The following LGR6 variants were observed in gnomAD, a reference collection of about 807,000 sequenced individuals.
LGR6 encodes leucine rich repeat containing G protein-coupled receptor 6, also known as leucine-rich repeat-containing G protein-coupled receptor 6.
A neutral mutation model predicts 69.4 loss-of-function variants in LGR6; 45 were observed. The observed-to-expected ratio is 0.65, with a 90% CI of 0.51 to 0.83. LGR6 has a LOEUF of 0.83. LGR6 is among the 40% of genes least tolerant of loss of function. The pLI is 0.00. For missense variants in LGR6, 1,108 were observed against 1,246.7 expected (o/e 0.89, Z 1.68); for synonymous variants, 538 against 555.0 (o/e 0.97, Z 0.43).
chr1:202,248,037 G>C (rs146977218), intron 4 of LGR6, among the ~76,000 whole-genome samples: 2 of 152,324 alleles, frequency 1.3e-5, no homozygotes, highest in African/African-American at 2.4e-5. Context: ...ATCTGTTTAT[G>C]AGCTGTTGGA....
Position 202,310,207 on chromosome 1 carries a change from G to T in LGR6, c.1417G>T (p.Val473Leu). The change falls in exon 16 of 18, where the codon GTG (valine) becomes TTG (leucine). Residue 473 changes from valine (V) to leucine (L), a missense_variant. Transcript: ENST00000367278. ...CCTCTCCCCCACCAGGATCCTGGAG[G>T]TGCCTTATGCCTACCAGTGCTGTCC... ...DSFPKLRILE[V>L]PYAYQCCPYG... The T allele has an allele frequency of 6.2e-7, 1 of 1,613,918 alleles. No homozygotes were observed.
chr1:202,276,501 T>C lies in LGR6; in HGVS notation c.624T>C (p.Asn208=). Reference sequence around the variant, plus strand: ...ACATCCCCGACTACGCGTTCCAGAATCTCACCAGCCTTGTGGTGCTGTGAG... The same window carrying C: ...ACATCCCCGACTACGCGTTCCAGAACCTCACCAGCCTTGTGGTGCTGTGAG... The part of the protein sequence containing the change: ...ISHIPDYAFQ[N]LTSLVVLHLH... Residue 208 remains asparagine (N), a synonymous_variant, in exon 5 of 18, where the codon AAT becomes AAC. Transcript: ENST00000367278. 1 of 1,613,934 alleles carries C rather than the reference T, an allele frequency of 6.2e-7. No individual in the cohort carries two copies. The highest frequency in any genetic ancestry group is 8.5e-7 in the Non-Finnish European group (1 of 1,179,902).
intron 1 of LGR6, among the ~76,000 whole-genome samples, chr1:202,198,249 T>A (rs1347201072): frequency 6.6e-6 from 1 of 152,098 alleles, no homozygotes; most frequent in East Asian, 1.9e-4. Context: ...GTTGTGGCAT[T>A]TGCCACAACA....
intron 4 of LGR6, among the ~76,000 whole-genome samples, chr1:202,257,395 A>G (rs572215279): frequency 6.6e-6 from 1 of 152,312 alleles, no homozygotes; most frequent in South Asian, 2.1e-4. Flanking sequence ...TCAGAAAGAT[A>G]TATGCCTATG....
chr1:202,235,110 C>T (rs1010626839), intron 3 of LGR6, among the ~76,000 whole-genome samples: 1 of 152,192 alleles, frequency 6.6e-6, no homozygotes, highest in East Asian at 1.9e-4. Context: ...TTCTAAGTCC[C>T]CTCTGATGCC....
At chr1:202,297,420 A>G (rs1571988956) in intron 6 of LGR6, 88 bp from the exon 7 acceptor site, 1 of 1,087,590 alleles carries the variant, frequency 9.2e-7, no homozygotes, top group East Asian at 2.4e-5. Flanking sequence ...CTCCCTGGCC[A>G]AGCCCAGAGC....
intron 4 of LGR6, among the ~76,000 whole-genome samples, chr1:202,274,940 C>T (rs1478565276): frequency 2.0e-5 from 3 of 152,222 alleles, no homozygotes; most frequent in Non-Finnish European, 2.9e-5. Context: ...CAGTGTTGGC[C>T]TATCCACCCA....
chr1:202,284,131 G>A (rs1247118661), intron 6 of LGR6, among the ~76,000 whole-genome samples: 3 of 152,062 alleles, frequency 2.0e-5, no homozygotes, highest in Non-Finnish European at 2.9e-5. Context: ...AACTCCACCC[G>A]CCCCACCCCC....
At chr1:202,206,775 G>A (rs532892835) in intron 1 of LGR6, among the ~76,000 whole-genome samples, 109 of 152,156 alleles carry the variant, frequency 7.2e-4, no homozygotes, top group African/African-American at 2.5e-3. Context: ...TCACTATATT[G>A]CCCAGGCTGG....
chr1:202,273,056 A>G (rs547487968), intron 4 of LGR6, among the ~76,000 whole-genome samples: 6 of 152,262 alleles, frequency 3.9e-5, no homozygotes, highest in African/African-American at 1.2e-4. Context: ...ACGTTAGACA[A>G]CTTGGGTTCA....
At chr1:202,273,603 G>A (rs775109115) in intron 4 of LGR6, among the ~76,000 whole-genome samples, 4 of 151,852 alleles carry the variant, frequency 2.6e-5, no homozygotes, top group African/African-American at 7.3e-5. Context: ...GATTACAGGC[G>A]TGTGCAACCA....
At chr1:202,216,628 GGTA>G (rs1659802547) in intron 1 of LGR6, among the ~76,000 whole-genome samples, 2 of 151,022 alleles carry the variant, frequency 1.3e-5, no homozygotes, top group African/African-American at 4.9e-5. Context: ...CTCTCAGAGA[GGTA>G]GTAGAGAGCA....
chr1:202,219,963 C>T (rs1660039149), intron 1 of LGR6, among the ~76,000 whole-genome samples: 1 of 152,118 alleles, frequency 6.6e-6, no homozygotes, highest in Admixed American at 6.5e-5. Flanking sequence ...GCAACCTCTT[C>T]ATCCTCCCAG....
intron 11 of LGR6, among the ~76,000 whole-genome samples, 199 bp from the exon 12 acceptor site, chr1:202,305,485 T>G (rs763063899): frequency 6.6e-6 from 1 of 152,000 alleles, no homozygotes; most frequent in African/African-American, 2.4e-5. Flanking sequence ...TGGGACTTAG[T>G]AGGAGGAAAT....
intron 5 of LGR6, among the ~76,000 whole-genome samples, chr1:202,279,202 A>C (rs995077188): frequency 1.3e-5 from 2 of 152,158 alleles, no homozygotes; most frequent in Non-Finnish European, 2.9e-5. Flanking sequence ...GAAAAATTAA[A>C]ACTCCTCAGT....
intron 9 of LGR6, 25 bp downstream of exon 9, chr1:202,301,260 G>A (rs202195510): frequency 1.9e-6 from 3 of 1,601,402 alleles, no homozygotes; most frequent in African/African-American, 2.7e-5. Context: ...GAAGGCTGCT[G>A]CAGCCTGAAC....
intron 1 of LGR6, chr1:202,214,345 C>A: frequency 1.8e-6 from 2 of 1,127,462 alleles, no homozygotes; most frequent in Non-Finnish European, 2.4e-6. Context: ...CTACCCGGGC[C>A]GGCCCTAATC....
chr1:202,205,923 A>C (rs1236865976), intron 1 of LGR6, among the ~76,000 whole-genome samples: 1 of 144,488 alleles, frequency 6.9e-6, no homozygotes, highest in Non-Finnish European at 1.5e-5. Flanking sequence ...ACCTCCTTCA[A>C]ACATACACAC....
chr1:202,276,351 T>C lies in LGR6; in HGVS notation c.474T>C (p.Phe158=), dbSNP rs149400081. 679 of 1,614,194 alleles carry C rather than the reference T, an allele frequency of 4.2e-4. 2 individuals carry two copies. The African/African-American group carries it at 6.0e-3, about 14-fold the overall frequency. Residue 158 remains phenylalanine, a synonymous_variant, in exon 5 of 18, where the codon TTT becomes TTC. Coordinates refer to ENST00000367278, the MANE Select transcript of LGR6 (RefSeq NM_001017403.2). ...NLISLVPERS[F]EGLSSLRHLW... is the part of the protein sequence containing the mutation. ...TCTCCCTGGTCCCGGAGAGGAGCTTTGAGGGGCTGTCCTCCCTCCGCCACC... is the reference window on the plus strand; with the variant it reads ...TCTCCCTGGTCCCGGAGAGGAGCTTCGAGGGGCTGTCCTCCCTCCGCCACC...
Sources: allele counts gnomAD v4.1 joint callset (sites outside exome capture counted in the v4.1 genomes callset), GRCh38; gene constraint gnomAD v4.1.1; transcripts MANE v1.5; gene names NCBI Gene and HGNC (gene_info 2026-07-23, HGNC 2026-07-21).